Variants in TIMM44 observed in about 807,000 individuals in gnomAD.
TIMM44 encodes the protein translocase of inner mitochondrial membrane 44, also known as mitochondrial import inner membrane translocase subunit TIM44.
TIMM44 carries 37 observed loss-of-function variants against 63.8 expected under a neutral mutation model. That is an observed-to-expected ratio of 0.58 (90% CI 0.45 to 0.76). The LOEUF (loss-of-function observed/expected upper bound fraction) is 0.76. TIMM44 is among the 30% of genes least tolerant of loss of function. The probability of loss-of-function intolerance (pLI) is 0.00; values close to 1 mark genes in which losing one functional copy is unlikely to be tolerated. For synonymous variants in TIMM44, 239 were observed against 245.1 expected, an observed-to-expected ratio of 0.98 and a Z score of 0.23; for missense variants, 573 against 603.8, an observed-to-expected ratio of 0.95 and a Z score of 0.54.
chr19:7,935,175 T>C, intron 3 of TIMM44, 30 bp from the exon 4 acceptor site: 1 of 1,553,936 alleles, frequency 6.4e-7, no homozygotes, highest in Non-Finnish European at 8.8e-7. Flanking sequence ...TCCTTTTTTT[T>C]TTTTTTTTTT....
intron 1 of TIMM44, 32 bp from the exon 2 acceptor site, chr19:7,941,229 T>C: frequency 6.5e-7 from 1 of 1,543,212 alleles, no homozygotes; most frequent in Non-Finnish European, 9.0e-7. Context: ...AAAGATCCAT[T>C]CTAACAAGAG....
At chr19:7,930,470 G>C (rs1265185991) in intron 10 of TIMM44, among the ~76,000 whole-genome samples, 2 of 151,856 alleles carry the variant, frequency 1.3e-5, no homozygotes, top group Non-Finnish European at 2.9e-5. Context: ...CAGCATGCCT[G>C]GCTAACTTTT....
chr19:7,941,147 A>G lies in TIMM44; in HGVS notation c.96T>C (p.His32=). 4.3e-6 allele frequency: 7 copies of G among 1,613,972 alleles called. No individual in the cohort carries two copies. Among genetic ancestry groups the G allele is most frequent in the Non-Finnish European group, 4.2e-6 (5 of 1,179,932 alleles). The change falls in exon 2 of 13, where the codon CAT becomes CAC. Residue 32 remains histidine, a synonymous_variant. Coordinates refer to ENST00000270538, the MANE Select transcript of TIMM44 (RefSeq NM_006351.4). The stretch of plus-strand genomic sequence containing the variant: ...GCCGGCGCATCTGATAGGTCGACCC[A>G]TGGGGTAGGTTGTGGCTGGAAAGAA... ...IQFLSSHNLP[H]GSTYQMRRPG...
At position 7,927,080 on chromosome 19, in the gene TIMM44, C is replaced by T; in HGVS notation, c.*107G>A. ...GCAGCCGTCCTGGCAGAGCTGGGGGCAGAGCCCGCAGTCTTGTTCCCAGAG... is the reference window on the plus strand; with the variant it reads ...GCAGCCGTCCTGGCAGAGCTGGGGGTAGAGCCCGCAGTCTTGTTCCCAGAG... On this transcript the variant is annotated 3_prime_UTR_variant, in exon 13 of 13. Coordinates refer to ENST00000270538, the MANE Select transcript of TIMM44 (RefSeq NM_006351.4). 3.4e-6 allele frequency: 5 copies of T among 1,474,852 alleles called. No individual in the cohort carries two copies. The highest frequency in any genetic ancestry group is 4.6e-6 in the Non-Finnish European group (5 of 1,093,590). 91.4% of individuals were successfully genotyped at this position (1,474,852 alleles called of 1,614,324 possible).
chr19:7,935,167 CTTTTTTTTTT>C (rs753419157), intron 3 of TIMM44, 22 bp from the exon 4 acceptor site: 2 of 1,254,056 alleles, frequency 1.6e-6, no homozygotes, highest in South Asian at 1.4e-5. Context: ...GCGCTGTGTC[CTTTTTTTTTT>C]TTTTTTTTTT....
intron 3 of TIMM44, chr19:7,937,786 G>A: frequency 2.2e-6 from 1 of 463,076 alleles, no homozygotes; most frequent in Non-Finnish European, 4.0e-6. Flanking sequence ...GGAAGGCTGA[G>A]GCGGGCGGAT....
Position 7,932,705 on chromosome 19 carries a change from G to A in TIMM44, c.909C>T (p.Ile303=), listed in dbSNP as rs1382807575. 21 of 1,614,034 alleles carry A rather than the reference G, an allele frequency of 1.3e-5. No individual in the cohort carries two copies. The highest frequency in any genetic ancestry group is 1.8e-5 in the Non-Finnish European group (21 of 1,180,028). ...TGTCAAAGGCCGGGTCCACCCGGAGGATCTCCGTGAGCACCTCCGACATCT... is the reference window on the plus strand; with the variant it reads ...TGTCAAAGGCCGGGTCCACCCGGAGAATCTCCGTGAGCACCTCCGACATCT... ...KTEMSEVLTE[I]LRVDPAFDKD... is the part of the protein sequence containing the mutation. Residue 303 remains isoleucine (I), a synonymous_variant, in exon 9 of 13, where the codon ATC becomes ATT. Transcript: ENST00000270538.
Position 7,926,774 on chromosome 19 carries a change from T to A in TIMM44, c.*413A>T, listed in dbSNP as rs140707872. 9.5e-3 allele frequency: 2,654 copies of A among 278,498 alleles called. 14 individuals carry two copies. Among genetic ancestry groups the A allele is most frequent in the Non-Finnish European group, 0.015 (2,053 of 139,760 alleles). 17.3% of individuals were successfully genotyped at this position (278,498 alleles called of 1,614,324 possible). On this transcript the variant is annotated 3_prime_UTR_variant, in exon 13 of 13. Transcript: ENST00000270538. ...CCAAATCTCAGGCTTATGCACAAGA[T>A]GGAAGAGCACTGTTAAAATTAAAAA...
At chr19:7,940,885 C>A (rs919554718) in intron 2 of TIMM44, among the ~76,000 whole-genome samples, 12 of 152,058 alleles carry the variant, frequency 7.9e-5, no homozygotes, top group African/African-American at 2.7e-4. Flanking sequence ...AGCACCTTAT[C>A]CCCTTACGAC....
intron 3 of TIMM44, 58 bp from the exon 4 acceptor site, chr19:7,935,203 T>C: frequency 2.8e-6 from 4 of 1,443,682 alleles, no homozygotes; most frequent in Non-Finnish European, 3.8e-6. Context: ...AATGTCTCCG[T>C]TGCCGAGGCT....
Position 7,931,364 on chromosome 19 carries a change from C to A in TIMM44, c.988-176G>T. 4 of 670,846 alleles carry A rather than the reference C, an allele frequency of 6.0e-6. No homozygotes were observed. The South Asian group carries it at 6.5e-5, about 11-fold the overall frequency. The allele number at this position is 670,846 out of a possible 1,614,324, so 41.6% of individuals were successfully genotyped here. On this transcript the variant is annotated intron_variant, in intron 9 of 12. Coordinates refer to ENST00000270538, the MANE Select transcript of TIMM44 (RefSeq NM_006351.4). ...CTGGGTGTCCCCCCCAGGCCCGTCC[C>A]TGCTGGTGTCAGTGCCTGGCTCTGG...
chr19:7,941,172 A>G lies in TIMM44; in HGVS notation c.71T>C (p.Phe24Ser). ...PRRCLGSGIQ[F>S]LSSHNLPHGS... ...ATGGGGTAGGTTGTGGCTGGAAAGA[A>G]ATTGGATTCCACTGCCGAGGCATCT... The change falls in exon 2 of 13, where the codon TTT (phenylalanine) becomes TCT (serine). Residue 24 changes from phenylalanine (F) to serine (S), a missense_variant. By Grantham distance (155) the Phe-to-Ser change is radical. Coordinates refer to ENST00000270538, the MANE Select transcript of TIMM44 (RefSeq NM_006351.4). 6.2e-7 allele frequency: 1 copy of G among 1,614,178 alleles called. No individual in the cohort carries two copies. Among genetic ancestry groups the G allele is most frequent in the Non-Finnish European group, 8.5e-7 (1 of 1,180,004 alleles).
At chr19:7,940,827 C>G (rs1484237818) in intron 2 of TIMM44, among the ~76,000 whole-genome samples, 2 of 152,060 alleles carry the variant, frequency 1.3e-5, no homozygotes. Context: ...CAGTTCAATA[C>G]AGGGGTCTCT....
chr19:7,932,477 C>G (rs979355910), intron 9 of TIMM44, 150 bp downstream of exon 9: 302 of 1,107,672 alleles, frequency 2.7e-4, no homozygotes, highest in Non-Finnish European at 3.6e-4. Flanking sequence ...GCAGCTGCAG[C>G]CGGGCAGGAG....
At chr19:7,935,872 A>T (rs1038929033) in intron 3 of TIMM44, among the ~76,000 whole-genome samples, 6 of 152,304 alleles carry the variant, frequency 3.9e-5, no homozygotes, top group African/African-American at 1.4e-4. Flanking sequence ...CATTAATGAT[A>T]AAGAGGGGCT....
At chr19:7,930,950 T>A (rs547457029) in intron 10 of TIMM44, among the ~76,000 whole-genome samples, 188 bp downstream of exon 10, 1 of 150,922 alleles carries the variant, frequency 6.6e-6, no homozygotes, top group South Asian at 2.1e-4. Context: ...ATGTGTCACA[T>A]GCTGAGGAAT....
rs1291384964 is a variant in TIMM44 at position 7,934,878 on chromosome 19, G to C, written c.393+187C>G. Among the ~76,000 whole-genome samples, 1 of 152,202 alleles carries C rather than the reference G, an allele frequency of 6.6e-6. No individual in the cohort carries two copies. Among genetic ancestry groups the C allele is most frequent in the Admixed American group, 6.5e-5 (1 of 15,280 alleles). On this transcript the variant is annotated intron_variant, in intron 4 of 12. Coordinates refer to ENST00000270538, the MANE Select transcript of TIMM44 (RefSeq NM_006351.4). This position sits in a 1 kb window ranked among gnomAD's most constrained non-coding sequence, Gnocchi z 5.3. Reference sequence around the variant, plus strand: ...ACTCCCTGGGTCAACGGTCATGCAAGGTTGCCAGTCTGACCTCACCCTGCA... The same window carrying C: ...ACTCCCTGGGTCAACGGTCATGCAACGTTGCCAGTCTGACCTCACCCTGCA...
At chr19:7,931,316 G>A (rs1983976223) in intron 9 of TIMM44, 128 bp from the exon 10 acceptor site, 1 of 854,324 alleles carries the variant, frequency 1.2e-6, no homozygotes, top group Non-Finnish European at 2.0e-6. Flanking sequence ...TGCCACCTGT[G>A]GGGCGCGGGT....
intron 12 of TIMM44, 144 bp downstream of exon 12, chr19:7,927,513 A>T: frequency 9.3e-7 from 1 of 1,077,698 alleles, no homozygotes; most frequent in Non-Finnish European, 1.4e-6. Context: ...CCTCAACCCC[A>T]AACTCTGGCC....
Sources: gnomAD v4.1 joint callset for allele counts (sites outside exome capture counted in the v4.1 genomes callset) on GRCh38, gnomAD v4.1.1 for gene constraint, Gnocchi (gnomAD v3.1) non-coding constraint, MANE v1.5 for transcripts, NCBI Gene and HGNC (gene_info 2026-07-23, HGNC 2026-07-21) for gene names.